GRID1: variants seen among roughly 807,000 people sequenced by gnomAD.
GRID1 encodes the protein glutamate ionotropic receptor delta type subunit 1, also known as glutamate receptor ionotropic, delta-1.
GRID1 carries 28 observed loss-of-function variants against 98.0 expected under a neutral mutation model. The ratio of observed to expected loss-of-function variants is 0.29; its 90% CI spans 0.21 to 0.39. The LOEUF is 0.39. Ranked by LOEUF, GRID1 falls within the 10% of genes least tolerant of loss-of-function variation. The pLI is 1.00. For synonymous variants in GRID1, 553 were observed against 538.5 expected (o/e 1.03, Z -0.37); for missense variants, 1,111 against 1,340.5 (o/e 0.83, Z 2.67).
At chr10:86,050,851 C>T (rs1333258458) in intron 4 of GRID1, among the ~76,000 whole-genome samples, 1 of 145,930 alleles carries the variant, frequency 6.9e-6, no homozygotes, top group East Asian at 2.0e-4. Flanking sequence ...GATTTTAAAA[C>T]TCTAAAGGAA....
intron 12 of GRID1, among the ~76,000 whole-genome samples, chr10:85,672,629 C>G (rs911782504): frequency 1.3e-5 from 2 of 152,080 alleles, no homozygotes; most frequent in Non-Finnish European, 2.9e-5. Flanking sequence ...AATGGAACAA[C>G]AAGGCCTGTG....
At chr10:86,204,099 G>A (rs916334825) in intron 3 of GRID1, among the ~76,000 whole-genome samples, 10 of 152,214 alleles carry the variant, frequency 6.6e-5, no homozygotes, top group African/African-American at 2.4e-4. Context: ...GAGATTCTGG[G>A]TGGAGGAAAG....
intron 13 of GRID1, among the ~76,000 whole-genome samples, chr10:85,634,291 T>TCTCTCTCTCTCTCTCTCTCTCTCTCA (rs1162030685): frequency 1.5e-4 from 15 of 102,968 alleles, no homozygotes; most frequent in Admixed American, 1.9e-4. Context: ...TCTCTCTCTC[T>TCTCTCTCTCTCTCTCTCTCTCTCTCA]CACACACACA....
At chr10:85,831,930 GAAAAT>G (rs1388923355) in intron 8 of GRID1, among the ~76,000 whole-genome samples, 11 of 151,552 alleles carry the variant, frequency 7.3e-5, no homozygotes, top group Non-Finnish European at 1.3e-4. Context: ...AAATATATTG[GAAAAT>G]AAAATAAATA....
chr10:85,616,759 C>T (rs537609427), intron 14 of GRID1, among the ~76,000 whole-genome samples: 1 of 152,148 alleles, frequency 6.6e-6, no homozygotes, highest in African/African-American at 2.4e-5. Context: ...TCCATACTCT[C>T]GCTTACGAGG....
chr10:86,213,405 C>A (rs1331164228), intron 2 of GRID1, among the ~76,000 whole-genome samples: 2 of 152,092 alleles, frequency 1.3e-5, no homozygotes, highest in East Asian at 3.9e-4. Context: ...GTTTATTCCC[C>A]AAGTTCAACG....
intron 8 of GRID1, among the ~76,000 whole-genome samples, chr10:85,759,178 G>A (rs1183307443): frequency 6.6e-6 from 1 of 152,184 alleles, no homozygotes; most frequent in African/African-American, 2.4e-5. Flanking sequence ...GCAAAGTGAT[G>A]ACTACAGAGG....
chr10:86,308,630 A>G (rs990507045), intron 2 of GRID1, among the ~76,000 whole-genome samples: 1 of 152,206 alleles, frequency 6.6e-6, no homozygotes, highest in Non-Finnish European at 1.5e-5. Context: ...CTCTTAATCC[A>G]TCTCATGTTG....
At position 85,881,368 on chromosome 10, in the gene GRID1, G is replaced by A. The variant is rs145545894; in HGVS notation, c.781-12188C>T. On this transcript the variant is annotated intron_variant, in intron 5 of 15. Transcript: ENST00000327946. ...CAGAGGCATCACACTACCTGACGTC[G>A]AACTATACTACAAGGCTACAGTCAC... Among the ~76,000 whole-genome samples, 367 of 152,086 alleles carry A rather than the reference G, an allele frequency of 2.4e-3. 4 individuals are homozygous for A. The highest frequency in any genetic ancestry group is 3.4e-3 in the Middle Eastern group (1 of 294).
chr10:86,097,475 C>T (rs1403176096), intron 4 of GRID1, among the ~76,000 whole-genome samples: 1 of 152,118 alleles, frequency 6.6e-6, no homozygotes, highest in Non-Finnish European at 1.5e-5. Flanking sequence ...TATCTATCTA[C>T]CACCTATCTA....
At chr10:86,111,232 C>A (rs1844477155) in intron 4 of GRID1, among the ~76,000 whole-genome samples, 1 of 152,174 alleles carries the variant, frequency 6.6e-6, no homozygotes, top group Admixed American at 6.5e-5. Context: ...GGAAGTTTGT[C>A]ATCTCTGCCT....
chr10:85,975,371 G>C (rs1842459151), intron 4 of GRID1, among the ~76,000 whole-genome samples: 1 of 152,226 alleles, frequency 6.6e-6, no homozygotes, highest in Non-Finnish European at 1.5e-5. Flanking sequence ...AGGGCCATCA[G>C]TCGGGCCAGC....
chr10:86,329,998 G>T (rs1255856931), intron 2 of GRID1, among the ~76,000 whole-genome samples: 1 of 152,060 alleles, frequency 6.6e-6, no homozygotes. Flanking sequence ...CTCCCTCCCT[G>T]CATGCTGAGC....
At chr10:86,283,043 C>G (rs77845258) in intron 2 of GRID1, among the ~76,000 whole-genome samples, 192 of 152,290 alleles carry the variant, frequency 1.3e-3, no homozygotes, top group African/African-American at 4.2e-3. Flanking sequence ...GAACTGCTCT[C>G]ACTTCCTCTA....
intron 3 of GRID1, among the ~76,000 whole-genome samples, chr10:86,182,799 T>C (rs779128618): frequency 6.6e-5 from 10 of 152,220 alleles, no homozygotes; most frequent in Non-Finnish European, 1.2e-4. Flanking sequence ...CGCTTGCTTA[T>C]GTGGTAGATG....
chr10:86,329,456 G>A (rs1589451080), intron 2 of GRID1, among the ~76,000 whole-genome samples: 1 of 152,238 alleles, frequency 6.6e-6, no homozygotes, highest in Non-Finnish European at 1.5e-5. Flanking sequence ...GGGGCCCGCT[G>A]ATGTCCATGG....
intron 2 of GRID1, among the ~76,000 whole-genome samples, chr10:86,220,549 C>T (rs1343481901): frequency 1.3e-5 from 2 of 152,142 alleles, no homozygotes; most frequent in Non-Finnish European, 1.5e-5. Context: ...GGTTCAAACT[C>T]AAAACCAAGC....
intron 12 of GRID1, among the ~76,000 whole-genome samples, chr10:85,687,169 T>G (rs1055590630): frequency 2.0e-5 from 3 of 152,194 alleles, no homozygotes; most frequent in African/African-American, 7.2e-5. Context: ...GAACCAATAT[T>G]TCTTGTAATA....
chr10:85,692,719 T>C (rs955075674), intron 12 of GRID1, among the ~76,000 whole-genome samples: 6 of 143,006 alleles, frequency 4.2e-5, no homozygotes, highest in African/African-American at 1.3e-4. Context: ...GACAAATAAA[T>C]AGTCAAATTT....
Sources: allele counts gnomAD v4.1 joint callset (sites outside exome capture counted in the v4.1 genomes callset), GRCh38; gene constraint gnomAD v4.1.1; transcripts MANE v1.5; gene names NCBI Gene and HGNC (gene_info 2026-07-23, HGNC 2026-07-21).